The following PARD3B variants were observed in gnomAD, a reference collection of about 807,000 sequenced individuals.
PARD3B encodes partitioning defective 3 homolog B.
A neutral mutation model predicts 130.2 loss-of-function variants in PARD3B; 103 were observed. The ratio of observed to expected loss-of-function variants is 0.79; its 90% CI spans 0.67 to 0.93. The LOEUF is 0.93. PARD3B is among the 40% of genes least tolerant of loss of function. The pLI is 0.00. For missense variants in PARD3B, 1,609 were observed against 1,499.2 expected (o/e 1.07, Z -1.21); for synonymous variants, 583 against 553.2 (o/e 1.05, Z -0.76).
At chr2:204,742,236 CATT>C (rs1202819858) in intron 2 of PARD3B, among the ~76,000 whole-genome samples, 1 of 152,104 alleles carries the variant, frequency 6.6e-6, no homozygotes, top group African/African-American at 2.4e-5. Context: ...TACATTTTAA[CATT>C]ATACGTATAT....
At chr2:205,337,240 T>C (rs545538740) in intron 18 of PARD3B, among the ~76,000 whole-genome samples, 19 of 152,320 alleles carry the variant, frequency 1.2e-4, no homozygotes, top group Middle Eastern at 3.4e-3. Context: ...TTTTGTGACT[T>C]GAGGTTTATT....
intron 18 of PARD3B, among the ~76,000 whole-genome samples, chr2:205,375,102 T>C (rs1165692062): frequency 6.6e-6 from 1 of 152,188 alleles, no homozygotes; most frequent in Non-Finnish European, 1.5e-5. Context: ...TCAAAGTTCC[T>C]CTTTGTTCTC....
chr2:204,719,661 T>C (rs765306178), intron 2 of PARD3B, among the ~76,000 whole-genome samples: 1 of 152,216 alleles, frequency 6.6e-6, no homozygotes, highest in Non-Finnish European at 1.5e-5. Context: ...TTATGTTACA[T>C]TACACTATAA....
intron 2 of PARD3B, among the ~76,000 whole-genome samples, chr2:204,929,313 T>G (rs925276797): frequency 1.3e-5 from 2 of 152,118 alleles, no homozygotes; most frequent in Non-Finnish European, 2.9e-5. Flanking sequence ...TCACTGACAT[T>G]GAATGTTAAG....
At chr2:205,413,776 A>G (rs990352819) in intron 19 of PARD3B, among the ~76,000 whole-genome samples, 2 of 152,162 alleles carry the variant, frequency 1.3e-5, no homozygotes, top group East Asian at 1.9e-4. Flanking sequence ...AATTTCATCC[A>G]CTTCACAGGG....
intron 3 of PARD3B, among the ~76,000 whole-genome samples, chr2:204,996,682 C>G (rs879836099): frequency 0.025 from 3,784 of 149,750 alleles, 67 homozygotes; most frequent in Non-Finnish European, 0.041. Flanking sequence ...CCCCCAGCCT[C>G]GTTGCCGCCT....
intron 2 of PARD3B, among the ~76,000 whole-genome samples, chr2:204,852,134 C>A (rs1432318442): frequency 6.6e-6 from 1 of 151,590 alleles, no homozygotes. Context: ...TTAACACATT[C>A]TGAATTTCTT....
chr2:205,053,350 A>G (rs1290445881), intron 4 of PARD3B, among the ~76,000 whole-genome samples: 1 of 146,910 alleles, frequency 6.8e-6, no homozygotes, highest in Non-Finnish European at 1.5e-5. Flanking sequence ...TCAAAATCCA[A>G]CATAAGGCAG....
chr2:204,983,955 C>T lies in PARD3B; in HGVS notation c.394+18632C>T, dbSNP rs189715475. On this transcript the variant is annotated intron_variant, in intron 3 of 22. Coordinates refer to ENST00000406610, the MANE Select transcript of PARD3B (RefSeq NM_001302769.2). ...ATTGAAGTTGTATGTCAGTACCCGTCCCCTCCTCTGTATGGACCTTCCTTG... is the reference window on the plus strand; with the variant it reads ...ATTGAAGTTGTATGTCAGTACCCGTTCCCTCCTCTGTATGGACCTTCCTTG... Among the ~76,000 whole-genome samples, 544 of 152,064 alleles carry T rather than the reference C, an allele frequency of 3.6e-3. 1 individual carries two copies. Among genetic ancestry groups the T allele is most frequent in the Non-Finnish European group, 6.9e-3 (466 of 67,990 alleles).
chr2:205,355,964 A>G (rs1419422116), intron 18 of PARD3B, among the ~76,000 whole-genome samples: 1 of 152,170 alleles, frequency 6.6e-6, no homozygotes, highest in Non-Finnish European at 1.5e-5. Flanking sequence ...AATTACCTCC[A>G]CCTGGTCTCT....
intron 1 of PARD3B, among the ~76,000 whole-genome samples, chr2:204,562,194 G>A (rs1009350329): frequency 3.9e-5 from 6 of 152,112 alleles, no homozygotes; most frequent in Non-Finnish European, 5.9e-5. Context: ...TAGTTGGGGT[G>A]TGCTAAATTG....
rs1225626876 is a variant in PARD3B, at chr2:205,562,095, A to G, written c.3260+8692A>G. The stretch of plus-strand genomic sequence containing the variant: ...TCCTGAAAATGCAGAAAGCCCCAGC[A>G]TGTAATATCACTTTAAGATGCCAAA... On this transcript the variant is annotated intron_variant, in intron 22 of 22. Transcript: ENST00000406610. The surrounding 1 kb of genome is among the most constrained non-coding windows in gnomAD (Gnocchi z 5.4). Among the ~76,000 whole-genome samples the G allele has an allele frequency of 6.6e-6, 1 of 152,210 alleles. No homozygotes were observed. The highest frequency in any genetic ancestry group is 2.4e-5 in the African/African-American group (1 of 41,458).
chr2:204,613,823 G>A (rs985821331), intron 1 of PARD3B, among the ~76,000 whole-genome samples: 3 of 151,932 alleles, frequency 2.0e-5, no homozygotes, highest in African/African-American at 7.2e-5. Context: ...TTCTTCTGCT[G>A]TTTGCCTTAT....
chr2:205,246,038 A>T (rs1409338293), intron 16 of PARD3B, among the ~76,000 whole-genome samples: 1 of 152,178 alleles, frequency 6.6e-6, no homozygotes, highest in Non-Finnish European at 1.5e-5. Context: ...GGAAAGAATA[A>T]AGATTTCCAA....
At chr2:204,723,955 A>T (rs1294040324) in intron 2 of PARD3B, among the ~76,000 whole-genome samples, 1 of 152,142 alleles carries the variant, frequency 6.6e-6, no homozygotes, top group East Asian at 1.9e-4. Context: ...TGCTGATTTG[A>T]GTTCTTATAC....
rs751740847 is a variant in PARD3B at position 205,585,814 on chromosome 2, T to C, written c.3261-29642T>C. On this transcript the variant is annotated intron_variant, in intron 22 of 22. Transcript: ENST00000406610. This position sits in a 1 kb window ranked among gnomAD's most constrained non-coding sequence, Gnocchi z 5.4. Reference sequence around the variant, plus strand: ...GGATTTCGGTAGCTTTGTGGGCTCTTGCAGAAAGAAAGCCTTGTCAGCACT... The same window carrying C: ...GGATTTCGGTAGCTTTGTGGGCTCTCGCAGAAAGAAAGCCTTGTCAGCACT... Among the ~76,000 whole-genome samples, 3 of 152,144 alleles carry C rather than the reference T, an allele frequency of 2.0e-5. No individual in the cohort carries two copies. Among genetic ancestry groups the C allele is most frequent in the Non-Finnish European group, 2.9e-5 (2 of 68,028 alleles).
chr2:204,791,916 G>GT (rs1424605908), intron 2 of PARD3B, among the ~76,000 whole-genome samples: 4 of 152,326 alleles, frequency 2.6e-5, no homozygotes, highest in African/African-American at 9.6e-5. Flanking sequence ...AGAACAGAGA[G>GT]TGAGGAGCTT....
chr2:205,088,853 G>T (rs556323926), intron 4 of PARD3B, among the ~76,000 whole-genome samples: 5 of 151,326 alleles, frequency 3.3e-5, no homozygotes, highest in African/African-American at 1.2e-4. Context: ...GAGTGTAGTG[G>T]CCTGATCTCA....
intron 2 of PARD3B, among the ~76,000 whole-genome samples, chr2:204,861,402 G>T (rs189706579): frequency 6.6e-6 from 1 of 152,114 alleles, no homozygotes. Flanking sequence ...ATTTAAAGTG[G>T]AAATGTATTA....
Sources: gnomAD v4.1 joint callset for allele counts (sites outside exome capture counted in the v4.1 genomes callset) on GRCh38, gnomAD v4.1.1 for gene constraint, Gnocchi (gnomAD v3.1) non-coding constraint, MANE v1.5 for transcripts, NCBI Gene and HGNC (gene_info 2026-07-23, HGNC 2026-07-21) for gene names.